The following NDUFV2 variants were observed in gnomAD, a reference collection of about 807,000 sequenced individuals.
NDUFV2 encodes the protein NADH:ubiquinone oxidoreductase core subunit V2.
NDUFV2 carries 18 observed loss-of-function variants against 31.6 expected under a neutral mutation model. That is an observed-to-expected ratio of 0.57 (90% CI 0.39 to 0.84). The LOEUF is 0.84. Ranked by LOEUF, NDUFV2 falls within the 40% of genes least tolerant of loss-of-function variation. NDUFV2 has a pLI of 0.00. For synonymous variants in NDUFV2, 83 were observed against 99.8 expected (o/e 0.83, Z 1.01); for missense variants, 314 against 303.6 (o/e 1.03, Z -0.26).
intron 1 of NDUFV2, among the ~76,000 whole-genome samples, chr18:9,111,971 G>A (rs896457539): frequency 1.1e-4 from 17 of 150,260 alleles, no homozygotes; most frequent in Admixed American, 9.2e-4. Flanking sequence ...ATACTAGAAC[G>A]TGTTTGGTGT....
At chr18:9,110,978 C>T (rs367924276) in intron 1 of NDUFV2, among the ~76,000 whole-genome samples, 1 of 152,268 alleles carries the variant, frequency 6.6e-6, no homozygotes, top group East Asian at 1.9e-4. Flanking sequence ...GATTAAATAA[C>T]TTGCATCTTT....
intron 1 of NDUFV2, chr18:9,104,852 C>A: frequency 7.4e-7 from 1 of 1,349,880 alleles, no homozygotes; most frequent in Non-Finnish European, 9.9e-7. Context: ...CTGAGACTAG[C>A]AAGTAGAGTA....
At chr18:9,111,441 C>T (rs968205305) in intron 1 of NDUFV2, among the ~76,000 whole-genome samples, 4 of 150,054 alleles carry the variant, frequency 2.7e-5, no homozygotes, top group Non-Finnish European at 5.9e-5. Flanking sequence ...TTTTTTTTTT[C>T]CCCCCGAGAC....
intron 7 of NDUFV2, chr18:9,132,330 G>A (rs1017382549): frequency 6.6e-6 from 1 of 152,040 alleles, no homozygotes; most frequent in East Asian, 1.9e-4. Flanking sequence ...CATTAATTTT[G>A]GAAGATCCAT....
rs576143583 is a variant in NDUFV2 at position 9,109,255 on chromosome 18, G to T, written c.54+6458G>T. Among the ~76,000 whole-genome samples the T allele has an allele frequency of 3.5e-4, 53 of 152,282 alleles. No homozygotes were observed. In the South Asian group the frequency reaches 4.4e-3, roughly 13 times the overall value. On this transcript the variant is annotated intron_variant, in intron 1 of 7. Coordinates refer to ENST00000318388, the MANE Select transcript of NDUFV2 (RefSeq NM_021074.5). ...GTGGATTTAATCTGTAAATATTAGG[G>T]ATCATCTAAAAGGTATATTCCTTGC...
intron 1 of NDUFV2, among the ~76,000 whole-genome samples, chr18:9,113,937 C>CT (rs1380957242): frequency 1.3e-5 from 2 of 152,210 alleles, no homozygotes; most frequent in African/African-American, 4.8e-5. Context: ...TTGTCTGTGG[C>CT]TTGTCCTGCT....
chr18:9,127,419 A>C (rs906863759), intron 7 of NDUFV2, among the ~76,000 whole-genome samples: 3 of 152,116 alleles, frequency 2.0e-5, no homozygotes, highest in Admixed American at 6.5e-5. Context: ...GTGACTATTT[A>C]ATGCTTTAAT....
At position 9,124,973 on chromosome 18, in the gene NDUFV2, A is replaced by G. The variant is rs371040282; in HGVS notation, c.569A>G (p.Asp190Gly). The G allele has an allele frequency of 6.2e-6, 10 of 1,613,416 alleles. No individual in the cohort carries two copies. Among genetic ancestry groups the G allele is most frequent in the Non-Finnish European group, 8.5e-6 (10 of 1,179,604 alleles). Residue 190 changes from aspartate (D) to glycine (G), a missense_variant, in exon 6 of 8, where the codon GAC becomes GGC. Coordinates refer to ENST00000318388, the MANE Select transcript of NDUFV2 (RefSeq NM_021074.5). ...CVNAPMVQIN[D>G]NYYEDLTAKD... is the part of the protein sequence containing the mutation. ...AACGCACCAATGGTTCAAATAAATGACAATTACTATGTGAGTATTTCAGGT... is the reference window on the plus strand; with the variant it reads ...AACGCACCAATGGTTCAAATAAATGGCAATTACTATGTGAGTATTTCAGGT...
intron 5 of NDUFV2, 108 bp from the exon 6 acceptor site, chr18:9,124,764 AAT>A: frequency 4.3e-6 from 5 of 1,173,958 alleles, no homozygotes; most frequent in Non-Finnish European, 6.0e-6. Flanking sequence ...TAAAAAACTT[AAT>A]AGTCTTAAAC....
At chr18:9,122,816 T>C in intron 5 of NDUFV2, 135 bp downstream of exon 5, 2 of 847,406 alleles carry the variant, frequency 2.4e-6, no homozygotes, top group Admixed American at 2.3e-5. Flanking sequence ...TTTGTGTTAC[T>C]GTGTTTCCAC....
At chr18:9,113,052 C>G (rs1598343375) in intron 1 of NDUFV2, among the ~76,000 whole-genome samples, 1 of 152,120 alleles carries the variant, frequency 6.6e-6, no homozygotes, top group Non-Finnish European at 1.5e-5. Context: ...TATGGAGAGA[C>G]AATACAACAA....
At chr18:9,127,951 A>C (rs902970049) in intron 7 of NDUFV2, among the ~76,000 whole-genome samples, 1 of 152,188 alleles carries the variant, frequency 6.6e-6, no homozygotes, top group Non-Finnish European at 1.5e-5. Flanking sequence ...CTATTTATCC[A>C]GGTTGCTCCC....
chr18:9,114,181 C>T (rs938050709), intron 1 of NDUFV2, among the ~76,000 whole-genome samples: 32 of 152,192 alleles, frequency 2.1e-4, no homozygotes, highest in African/African-American at 7.5e-4. Context: ...CTATTTCTTC[C>T]TCCTTCCCCA....
At chr18:9,103,498 A>G (rs1022357844) in intron 1 of NDUFV2, 19 of 191,850 alleles carry the variant, frequency 9.9e-5, no homozygotes, top group Admixed American at 9.1e-4. Flanking sequence ...AAAAATGCAG[A>G]TTTCCAGAAA....
intron 1 of NDUFV2, chr18:9,104,171 C>G: frequency 6.2e-7 from 1 of 1,612,674 alleles, no homozygotes; most frequent in Non-Finnish European, 8.5e-7. Flanking sequence ...AACTTAAAGT[C>G]TTGTTGGCAA....
chr18:9,113,640 C>T (rs192534558), intron 1 of NDUFV2, among the ~76,000 whole-genome samples: 6 of 152,272 alleles, frequency 3.9e-5, no homozygotes, highest in South Asian at 2.1e-4. Context: ...GCAGATAGCC[C>T]GGTGCCACAC....
intron 1 of NDUFV2, among the ~76,000 whole-genome samples, chr18:9,104,787 GATGA>G (rs567839006): frequency 1.9e-3 from 274 of 147,458 alleles, no homozygotes; most frequent in African/African-American, 6.3e-3. Context: ...TATTTGAGTT[GATGA>G]ATAAGTTTAA....
intron 5 of NDUFV2, 31 bp downstream of exon 5, chr18:9,122,712 T>C: frequency 6.2e-7 from 1 of 1,607,930 alleles, no homozygotes; most frequent in South Asian, 1.1e-5. Flanking sequence ...GTAACACTGA[T>C]AAAAAGTAGA....
At position 9,130,675 on chromosome 18, in the gene NDUFV2, CA is replaced by C. The variant is rs560895858; in HGVS notation, c.657-3508del. 1.2e-4 allele frequency among the ~76,000 whole-genome samples: 18 copies of C among 152,132 alleles called. No individual in the cohort carries two copies. In the East Asian group the frequency reaches 3.5e-3, roughly 29 times the overall value. On this transcript the variant is annotated intron_variant, in intron 7 of 7. Transcript: ENST00000318388. ...ATAGTTATAGTTATTCTAAATTAAC[CA>C]AAGCTGTCTAATTCTTTTTTATTGG...
Sources: allele counts gnomAD v4.1 joint callset (sites outside exome capture counted in the v4.1 genomes callset), GRCh38; gene constraint gnomAD v4.1.1; transcripts MANE v1.5; gene names NCBI Gene and HGNC (gene_info 2026-07-23, HGNC 2026-07-21).